The following TRDMT1 variants were observed in gnomAD, a reference collection of about 807,000 sequenced individuals.
The protein encoded by TRDMT1 is tRNA aspartic acid methyltransferase 1.
TRDMT1 carries 49 observed loss-of-function variants against 51.2 expected under a neutral mutation model. The observed-to-expected ratio is 0.96, with a 90% confidence interval of 0.76 to 1.21. The LOEUF (loss-of-function observed/expected upper bound fraction) is 1.21. Ranked by LOEUF, TRDMT1 falls within the 50% of genes most tolerant of loss-of-function variation. The probability of loss-of-function intolerance (pLI) is 0.00; values close to 1 mark genes in which losing one functional copy is unlikely to be tolerated. For missense variants in TRDMT1, 534 were observed against 462.3 expected, an observed-to-expected ratio of 1.16 and a Z score of -1.42; for synonymous variants, 187 against 164.6, an observed-to-expected ratio of 1.14 and a Z score of -1.04.
At chr10:17,164,391 G>A (rs1246574789) in intron 3 of TRDMT1, among the ~76,000 whole-genome samples, 1 of 152,168 alleles carries the variant, frequency 6.6e-6, no homozygotes, top group East Asian at 1.9e-4. Context: ...AGCTATCTAT[G>A]ACAAACCCAC....
chr10:17,140,036 G>GTTTTTTTT lies in TRDMT1; in HGVS notation c.*9003_*9004insAAAAAAAA, dbSNP rs1564532491. On this transcript the variant is annotated 3_prime_UTR_variant, in exon 11 of 11. Coordinates refer to ENST00000377799, the MANE Select transcript of TRDMT1 (RefSeq NM_004412.7). The stretch of plus-strand genomic sequence containing the variant: ...ATATTCTTCCAGTAACATCTAGTGT[G>GTTTTTTTT]CTTTTTTTTTTTTTTTTTTTTTTTT... Among the ~76,000 whole-genome samples the GTTTTTTTT allele has an allele frequency of 7.6e-5, 3 of 39,636 alleles. 1 individual carries two copies. The highest frequency in any genetic ancestry group is 2.8e-4 in the African/African-American group (3 of 10,564). The allele number at this position is 39,636 out of a possible 152,430, so 26.0% of individuals were successfully genotyped here. A position where few individuals can be genotyped will look rare whatever the true frequency, so the allele number is the denominator to read the frequency against.
intron 3 of TRDMT1, among the ~76,000 whole-genome samples, chr10:17,168,591 A>C (rs1458298864): frequency 1.3e-5 from 2 of 152,144 alleles, no homozygotes; most frequent in East Asian, 1.9e-4. Context: ...TGTTCTTGTG[A>C]CAGTGAATAA....
At chr10:17,183,645 C>A (rs987360744) in intron 1 of TRDMT1, among the ~76,000 whole-genome samples, 1 of 152,152 alleles carries the variant, frequency 6.6e-6, no homozygotes, top group African/African-American at 2.4e-5. Flanking sequence ...TCTCGAACTC[C>A]TGACCTCATG....
At chr10:17,197,234 C>T (rs11254455) in intron 1 of TRDMT1, among the ~76,000 whole-genome samples, 15 of 151,964 alleles carry the variant, frequency 9.9e-5, no homozygotes, top group Middle Eastern at 3.4e-3. Context: ...TTTGATAAAA[C>T]GATAGCAGAA....
chr10:17,166,636 G>C (rs1841254396), intron 3 of TRDMT1, among the ~76,000 whole-genome samples: 1 of 152,202 alleles, frequency 6.6e-6, no homozygotes, highest in Non-Finnish European at 1.5e-5. Context: ...CTGAGGTTCA[G>C]CTGTGGGATT....
chr10:17,165,231 C>T (rs1841018807), intron 3 of TRDMT1, among the ~76,000 whole-genome samples: 1 of 152,190 alleles, frequency 6.6e-6, no homozygotes, highest in South Asian at 2.1e-4. Flanking sequence ...CTACAACTAT[C>T]TGATCTTTGA....
rs115402553 is a variant in TRDMT1, at chr10:17,189,046, C to T, written c.64+12525G>A. The stretch of plus-strand genomic sequence containing the variant: ...TTTCTTCAGGCTAATGTAGTTTATC[C>T]AAGCAGTACTTTATTGATTTGCTAT... On this transcript the variant is annotated intron_variant, in intron 1 of 10. Coordinates refer to ENST00000377799, the MANE Select transcript of TRDMT1 (RefSeq NM_004412.7). Among the ~76,000 whole-genome samples the T allele has an allele frequency of 9.4e-3, 1,427 of 152,152 alleles. 28 individuals are homozygous for T. Among genetic ancestry groups the T allele is most frequent in the African/African-American group, 0.032 (1,334 of 41,514 alleles).
At chr10:17,190,208 G>C (rs1006794274) in intron 1 of TRDMT1, among the ~76,000 whole-genome samples, 1 of 152,052 alleles carries the variant, frequency 6.6e-6, no homozygotes, top group African/African-American at 2.4e-5. Flanking sequence ...CACTATTCCT[G>C]GGTAGCACTT....
chr10:17,170,693 C>T (rs1246382781), intron 2 of TRDMT1, among the ~76,000 whole-genome samples: 1 of 152,176 alleles, frequency 6.6e-6, no homozygotes, highest in Non-Finnish European at 1.5e-5. Context: ...TATCCAAGAC[C>T]ACAGTACGCT....
At chr10:17,150,238 C>A (rs1488968788) in intron 10 of TRDMT1, 11 of 247,484 alleles carry the variant, frequency 4.4e-5, no homozygotes, top group Non-Finnish European at 6.4e-5. Context: ...AACTAACTAA[C>A]ATATTTTTAA....
At chr10:17,192,616 G>A in intron 1 of TRDMT1, among the ~76,000 whole-genome samples, 1 of 152,098 alleles carries the variant, frequency 6.6e-6, no homozygotes, top group African/African-American at 2.4e-5. Flanking sequence ...GTGGGCGAGG[G>A]GCAGGAGCAG....
chr10:17,149,323 C>T (rs538674295), intron 10 of TRDMT1, among the ~76,000 whole-genome samples, 183 bp from the exon 11 acceptor site: 24 of 152,214 alleles, frequency 1.6e-4, no homozygotes, highest in Admixed American at 7.2e-4. Context: ...ATATTGCCTA[C>T]ACAGTGAGAT....
intron 7 of TRDMT1, among the ~76,000 whole-genome samples, chr10:17,158,432 T>A (rs927486244): frequency 1.3e-5 from 2 of 152,134 alleles, no homozygotes; most frequent in Non-Finnish European, 2.9e-5. Flanking sequence ...TAACTTTACA[T>A]TGGAATTGGC....
At chr10:17,167,908 A>G (rs1841429060) in intron 3 of TRDMT1, among the ~76,000 whole-genome samples, 1 of 152,238 alleles carries the variant, frequency 6.6e-6, no homozygotes. Context: ...TTAGGTAAGT[A>G]TAAAAGAGGT....
chr10:17,150,587 T>C (rs986689806), intron 10 of TRDMT1: 35 of 985,170 alleles, frequency 3.6e-5, no homozygotes, highest in East Asian at 1.1e-4. Flanking sequence ...ACATTCAGCA[T>C]ACTCTAGCAT....
At chr10:17,167,743 CT>C (rs1389500518) in intron 3 of TRDMT1, among the ~76,000 whole-genome samples, 1 of 152,132 alleles carries the variant, frequency 6.6e-6, no homozygotes, top group African/African-American at 2.4e-5. Flanking sequence ...CAAGTGCATG[CT>C]TAACTAGCTT....
chr10:17,139,669 G>C lies in TRDMT1; in HGVS notation c.*9371C>G, dbSNP rs960901424. ...TTGTGAGAGGAAGCTTTGCATTACG[G>C]ATGTGATTTACGGTTAGAGGAGTGA... On this transcript the variant is annotated 3_prime_UTR_variant, in exon 11 of 11. Coordinates refer to ENST00000377799, the MANE Select transcript of TRDMT1 (RefSeq NM_004412.7). Among the ~76,000 whole-genome samples the C allele has an allele frequency of 6.6e-6, 1 of 152,186 alleles. No homozygotes were observed. Among genetic ancestry groups the C allele is most frequent in the African/African-American group, 2.4e-5 (1 of 41,438 alleles).
At chr10:17,151,274 A>C (rs981728799) in intron 10 of TRDMT1, 5 of 980,922 alleles carry the variant, frequency 5.1e-6, no homozygotes, top group Non-Finnish European at 6.1e-6. Context: ...AGATACATTA[A>C]AAATAACAAT....
At chr10:17,167,666 T>C (rs1313009132) in intron 3 of TRDMT1, among the ~76,000 whole-genome samples, 3 of 152,202 alleles carry the variant, frequency 2.0e-5, no homozygotes, top group African/African-American at 7.2e-5. Context: ...ATGAAGAGTT[T>C]ATAACGTTGC....
Sources: allele counts gnomAD v4.1 joint callset (sites outside exome capture counted in the v4.1 genomes callset), GRCh38; gene constraint gnomAD v4.1.1; transcripts MANE v1.5; gene names NCBI Gene and HGNC (gene_info 2026-07-23, HGNC 2026-07-21).